UBE4B: variants seen among roughly 807,000 people sequenced by gnomAD.
The protein encoded by UBE4B is ubiquitin conjugation factor E4 B.
A neutral mutation model predicts 148.1 loss-of-function variants in UBE4B; 27 were observed. The ratio of observed to expected loss-of-function variants is 0.18; its 90% CI spans 0.13 to 0.25. UBE4B has a LOEUF of 0.25. Ranked by LOEUF, UBE4B falls within the 10% of genes least tolerant of loss-of-function variation. The pLI is 1.00. For synonymous variants in UBE4B, 596 were observed against 619.3 expected (o/e 0.96, Z 0.56); for missense variants, 1,170 against 1,662.4 (o/e 0.70, Z 5.15).
chr1:10,106,573 A>T lies in UBE4B; in HGVS notation c.1186A>T (p.Ile396Phe), dbSNP rs369759551. ...GAGCAGACGCCCCTCCTCCCTGAGG[A>T]TCTCTCCTAGGTATTTATCCCACAG... ...ATSRRPSSLR[I>F]SPSLGASGGA... Residue 396 changes from isoleucine to phenylalanine, a missense_variant, in exon 7 of 28, where the codon ATC (isoleucine) becomes TTC (phenylalanine). Ile to Phe is a conservative substitution (Grantham distance 21). Transcript: ENST00000343090. The surrounding 1 kb of genome is among the most constrained non-coding windows in gnomAD (Gnocchi z 4.2). 6.4e-7 allele frequency: 1 copy of T among 1,568,860 alleles called. No homozygotes were observed. The highest frequency in any genetic ancestry group is 1.9e-5 in the Admixed American group (1 of 53,968).
intron 18 of UBE4B, among the ~76,000 whole-genome samples, chr1:10,145,846 G>T (rs1645862157): frequency 6.6e-6 from 1 of 152,138 alleles, no homozygotes; most frequent in Non-Finnish European, 1.5e-5. Flanking sequence ...GAATATTCTT[G>T]CTGGTGAGAC....
chr1:10,167,441 A>AAATGATAAT (rs1553154792), intron 23 of UBE4B, among the ~76,000 whole-genome samples: 1 of 147,166 alleles, frequency 6.8e-6, no homozygotes, highest in Non-Finnish European at 1.5e-5. Context: ...CCGTCTCAAA[A>AAATGATAAT]AATAATAATA....
chr1:10,165,806 T>C (rs182577630), intron 23 of UBE4B, among the ~76,000 whole-genome samples: 2 of 152,334 alleles, frequency 1.3e-5, no homozygotes, highest in African/African-American at 2.4e-5. Flanking sequence ...CTCCTGACCC[T>C]GCTTCATTTT....
intron 8 of UBE4B, 100 bp from the exon 9 acceptor site, chr1:10,119,413 G>A: frequency 8.7e-7 from 1 of 1,152,412 alleles, no homozygotes; most frequent in South Asian, 1.3e-5. Flanking sequence ...AGGAAAGCAC[G>A]CTGTTTACTG....
chr1:10,149,311 C>T (rs766950922), intron 20 of UBE4B, 29 bp downstream of exon 20: 49 of 1,512,390 alleles, frequency 3.2e-5, no homozygotes, highest in Non-Finnish European at 4.3e-5. Flanking sequence ...TTACATAGTT[C>T]TAATATGTTT....
chr1:10,081,743 C>A (rs1046858947), intron 2 of UBE4B, among the ~76,000 whole-genome samples: 1 of 152,198 alleles, frequency 6.6e-6, no homozygotes, highest in Non-Finnish European at 1.5e-5. Context: ...CACTGGCCAC[C>A]ACGCCCAATT....
At chr1:10,149,774 G>C (rs1054001290) in intron 20 of UBE4B, among the ~76,000 whole-genome samples, 13 of 152,012 alleles carry the variant, frequency 8.6e-5, no homozygotes, top group Non-Finnish European at 1.8e-4. Flanking sequence ...AAACATTACA[G>C]GTTAGAAGAA....
intron 17 of UBE4B, among the ~76,000 whole-genome samples, chr1:10,137,507 CT>C (rs1024445493): frequency 3.3e-5 from 5 of 152,160 alleles, no homozygotes; most frequent in African/African-American, 1.2e-4. Flanking sequence ...GCACTTCAAA[CT>C]TTAAAAGTTT....
intron 1 of UBE4B, among the ~76,000 whole-genome samples, chr1:10,039,879 G>A (rs543550135): frequency 6.6e-6 from 1 of 152,248 alleles, no homozygotes; most frequent in African/African-American, 2.4e-5. Flanking sequence ...TGCTGTATAG[G>A]AGCGAGGCAG....
At chr1:10,056,231 C>T (rs1433359556) in intron 1 of UBE4B, among the ~76,000 whole-genome samples, 1 of 152,086 alleles carries the variant, frequency 6.6e-6, no homozygotes. Flanking sequence ...TTAGATGACA[C>T]GTGAGATGCT....
chr1:10,136,497 A>T (rs918821289), intron 16 of UBE4B, among the ~76,000 whole-genome samples: 27 of 152,050 alleles, frequency 1.8e-4, no homozygotes, highest in African/African-American at 6.5e-4. Context: ...AAAAAAAAAA[A>T]AAAAGATTGT....
At chr1:10,158,565 G>A in intron 22 of UBE4B, 83 bp downstream of exon 22, 1 of 1,527,758 alleles carries the variant, frequency 6.5e-7, no homozygotes, top group Admixed American at 1.9e-5. Context: ...GCACAGCTGG[G>A]TTCTTGTTGA....
intron 1 of UBE4B, among the ~76,000 whole-genome samples, chr1:10,063,419 A>G (rs1644325142): frequency 6.6e-6 from 1 of 152,178 alleles, no homozygotes; most frequent in African/African-American, 2.4e-5. Context: ...TTTACCATTC[A>G]TTTAGGTATC....
At chr1:10,148,137 G>A (rs1645907746) in intron 19 of UBE4B, among the ~76,000 whole-genome samples, 2 of 151,480 alleles carry the variant, frequency 1.3e-5, no homozygotes, top group African/African-American at 4.9e-5. Flanking sequence ...TGAGGCAGGA[G>A]AATGGCGTGA....
At chr1:10,144,104 G>A (rs541081949) in intron 17 of UBE4B, among the ~76,000 whole-genome samples, 1 of 152,294 alleles carries the variant, frequency 6.6e-6, no homozygotes, top group East Asian at 1.9e-4. Context: ...AAAATATGCA[G>A]CCTATTAGGT....
In UBE4B at chr1:10,089,044, TG is replaced by T. The variant is rs1278435078; in HGVS notation, c.212-6415del. Among the ~76,000 whole-genome samples, 5 of 152,262 alleles carry T rather than the reference TG, an allele frequency of 3.3e-5. No individual in the cohort carries two copies. In the East Asian group the frequency reaches 9.7e-4, roughly 29 times the overall value. ...TTTTTTGAGATAAAGTCTCGCTCTA[TG>T]GCCCAGGCTGGAGTGCAGTGGCGCG... On this transcript the variant is annotated intron_variant, in intron 2 of 27. Coordinates refer to ENST00000343090, the MANE Select transcript of UBE4B (RefSeq NM_001105562.3).
intron 3 of UBE4B, among the ~76,000 whole-genome samples, chr1:10,099,905 A>G (rs554185343): frequency 1.2e-4 from 18 of 152,356 alleles, no homozygotes; most frequent in Non-Finnish European, 1.5e-4. Flanking sequence ...CAATTGTTCA[A>G]TCGGGGATAA....
intron 1 of UBE4B, among the ~76,000 whole-genome samples, chr1:10,037,916 C>T (rs1643601219): frequency 6.6e-6 from 1 of 152,134 alleles, no homozygotes; most frequent in Non-Finnish European, 1.5e-5. Flanking sequence ...TGATTTTTCT[C>T]TCCTAACTCT....
intron 2 of UBE4B, among the ~76,000 whole-genome samples, chr1:10,078,991 A>AT (rs1262797017): frequency 2.7e-5 from 4 of 147,800 alleles, no homozygotes; most frequent in Non-Finnish European, 4.5e-5. Context: ...TAATTTTTTA[A>AT]TTTTTTTTGT....
Sources: gnomAD v4.1 joint callset for allele counts (sites outside exome capture counted in the v4.1 genomes callset) on GRCh38, gnomAD v4.1.1 for gene constraint, Gnocchi (gnomAD v3.1) non-coding constraint, MANE v1.5 for transcripts, NCBI Gene and HGNC (gene_info 2026-07-23, HGNC 2026-07-21) for gene names.